The following NDUFA10 variants were observed in gnomAD, a reference collection of about 807,000 sequenced individuals.
NDUFA10 encodes the protein NADH:ubiquinone oxidoreductase subunit A10.
Under a neutral mutation model 47.8 loss-of-function variants are expected in NDUFA10, and 40 were observed. The ratio of observed to expected loss-of-function variants is 0.84; its 90% CI spans 0.65 to 1.09. The LOEUF (loss-of-function observed/expected upper bound fraction) is 1.09. Ranked by LOEUF, NDUFA10 falls within the 50% of genes least tolerant of loss-of-function variation. The pLI, the probability that NDUFA10 is intolerant of heterozygous loss-of-function variation, is 0.00. For synonymous variants in NDUFA10, 183 were observed against 172.2 expected (o/e 1.06, Z -0.49); for missense variants, 413 against 451.1 (o/e 0.92, Z 0.76).
At chr2:239,895,042 AC>A (rs1406215243) in intron 5 of NDUFA10, among the ~76,000 whole-genome samples, 2 of 151,462 alleles carry the variant, frequency 1.3e-5, no homozygotes, top group Non-Finnish European at 2.9e-5. Flanking sequence ...TCTCTCCTTC[AC>A]CCCCACATCT....
chr2:240,009,577 T>C (rs1697064867), intron 6 of NDUFA10, among the ~76,000 whole-genome samples: 1 of 152,240 alleles, frequency 6.6e-6, no homozygotes, highest in Admixed American at 6.5e-5. Context: ...GCAATGCTCT[T>C]TATGCATTCA....
rs77899586 is a variant in NDUFA10, at chr2:239,919,659, A to C, written c.295-24345T>G. Among the ~76,000 whole-genome samples the C allele has an allele frequency of 9.2e-3, 1,398 of 152,284 alleles. 27 individuals are homozygous for C. Among genetic ancestry groups the C allele is most frequent in the African/African-American group, 0.032 (1,320 of 41,552 alleles). On this transcript the variant is annotated intron_variant, in intron 4 of 5. Coordinates refer to the NDUFA10 transcript ENST00000419408. ...TACAGTAATCCAAGTAATTCCTGTG[A>C]AACTGAGGCCCCATCCTAAGAGGAT...
intron 9 of NDUFA10, among the ~76,000 whole-genome samples, chr2:239,961,943 C>T (rs567445916): frequency 6.6e-6 from 1 of 152,266 alleles, no homozygotes; most frequent in African/African-American, 2.4e-5. Flanking sequence ...GCTCAGGTGG[C>T]GGTCCACAGA....
At chr2:239,977,263 C>T (rs1016710266) in intron 9 of NDUFA10, among the ~76,000 whole-genome samples, 1 of 152,208 alleles carries the variant, frequency 6.6e-6, no homozygotes, top group Non-Finnish European at 1.5e-5. Flanking sequence ...TTGGCAGGTG[C>T]AGGTGGGCGA....
At chr2:239,937,847 C>T (rs1426180637) in intron 4 of NDUFA10, among the ~76,000 whole-genome samples, 1 of 152,214 alleles carries the variant, frequency 6.6e-6, no homozygotes, top group Non-Finnish European at 1.5e-5. Flanking sequence ...CTTTTTATTA[C>T]AGCCATTCTG....
chr2:239,914,470 C>T (rs1183350143), intron 4 of NDUFA10, among the ~76,000 whole-genome samples: 1 of 142,404 alleles, frequency 7.0e-6, no homozygotes, highest in East Asian at 2.1e-4. Context: ...CACACACAGA[C>T]ACACACAAAT....
At chr2:239,918,855 G>A (rs1489836770) in intron 4 of NDUFA10, among the ~76,000 whole-genome samples, 2 of 152,210 alleles carry the variant, frequency 1.3e-5, no homozygotes, top group Admixed American at 6.5e-5. Flanking sequence ...GGGGTGGCCC[G>A]TGTGGCAGGG....
chr2:240,022,004 T>G (rs994459838), intron 2 of NDUFA10, among the ~76,000 whole-genome samples, 168 bp downstream of exon 2: 7 of 152,222 alleles, frequency 4.6e-5, no homozygotes, highest in Non-Finnish European at 4.4e-5. Flanking sequence ...TTTTCTTGTT[T>G]CGTTTTATAA....
chr2:239,959,457 T>C lies in NDUFA10; in HGVS notation c.*1661A>G. On this transcript the variant is annotated 3_prime_UTR_variant, in exon 10 of 10. Transcript: ENST00000252711. ...TCCCCTCCACAATGGGTTTGTGAAG[T>C]GCTCAGAGCAAAAGACACTCTGTGA... The C allele has an allele frequency of 3.0e-6, 3 of 985,490 alleles. No homozygotes were observed. Among genetic ancestry groups the C allele is most frequent in the South Asian group, 4.7e-5 (1 of 21,290 alleles). 61.0% of individuals were successfully genotyped at this position (985,490 alleles called of 1,614,324 possible).
intron 8 of NDUFA10, among the ~76,000 whole-genome samples, chr2:239,996,172 T>C (rs1167422254): frequency 6.6e-6 from 1 of 152,180 alleles, no homozygotes; most frequent in East Asian, 1.9e-4. Flanking sequence ...AGGATACCGA[T>C]GACTTGAATA....
At position 240,021,192 on chromosome 2, in the gene NDUFA10, T is replaced by C. The variant is rs1158773739; in HGVS notation, c.460+5A>G. 6.2e-6 allele frequency: 10 copies of C among 1,611,576 alleles called. No individual in the cohort carries two copies. The highest frequency in any genetic ancestry group is 3.3e-5 in the Admixed American group (2 of 59,990). On this transcript the variant is annotated splice_donor_5th_base_variant and intron_variant, in intron 3 of 9. Coordinates refer to ENST00000252711, the MANE Select transcript of NDUFA10 (RefSeq NM_004544.4). The stretch of plus-strand genomic sequence containing the variant: ...AACAGATCTAACTGCCCAGAAATAC[T>C]GCACCTGTGGTCAGCAAGTGCTCCA...
At chr2:239,931,703 C>T (rs1421302262) in intron 4 of NDUFA10, among the ~76,000 whole-genome samples, 3 of 152,232 alleles carry the variant, frequency 2.0e-5, no homozygotes, top group East Asian at 1.9e-4. Context: ...CAGGCCATAG[C>T]GGCCCCCAAG....
At chr2:239,993,708 T>A (rs1696348470) in intron 8 of NDUFA10, among the ~76,000 whole-genome samples, 1 of 152,078 alleles carries the variant, frequency 6.6e-6, no homozygotes, top group Admixed American at 6.5e-5. Flanking sequence ...ACCAGGGGAT[T>A]ACACACCAAG....
rs1693568602 is a variant in NDUFA10 at position 239,902,350 on chromosome 2, GTCCAGC to G, written c.295-7042_295-7037del. ...CAACTCCAGACAAAACCCTCCAGCA[GTCCAGC>G]AGTGAAATGATTACAACTTGCGGAA... On this transcript the variant is annotated intron_variant, in intron 4 of 5. Coordinates refer to the NDUFA10 transcript ENST00000419408. 1.6e-3 allele frequency among the ~76,000 whole-genome samples: 6 copies of G among 3,864 alleles called. No homozygotes were observed. The South Asian group carries it at 0.039, about 25-fold the overall frequency. 2.5% of individuals were successfully genotyped at this position (3,864 alleles called of 152,430 possible).
rs571536208 is a variant in NDUFA10 at position 239,906,493 on chromosome 2, C to T, written c.295-11179G>A. Among the ~76,000 whole-genome samples the T allele has an allele frequency of 1.3e-5, 2 of 152,146 alleles. No individual in the cohort carries two copies. Among genetic ancestry groups the T allele is most frequent in the Non-Finnish European group, 2.9e-5 (2 of 68,038 alleles). ...CCCCCACGCCAATTCATGGAGTCCC[C>T]GCACTTATAGTGCCTCCCATTGCTA... is the stretch of plus-strand genomic sequence containing the variant. On this transcript the variant is annotated intron_variant, in intron 4 of 5. Transcript: ENST00000419408. The surrounding 1 kb of genome is among the most constrained non-coding windows in gnomAD (Gnocchi z 4.3).
chr2:240,000,006 G>A (rs1015367898), intron 8 of NDUFA10, among the ~76,000 whole-genome samples: 3 of 152,218 alleles, frequency 2.0e-5, no homozygotes, highest in Non-Finnish European at 4.4e-5. Flanking sequence ...CATGACTCCC[G>A]TGTCTGCGGT....
In NDUFA10 at chr2:239,973,508, C is replaced by T. The variant is rs189860717; in HGVS notation, c.1000-12322G>A. 4.9e-5 allele frequency: 23 copies of T among 470,684 alleles called. No individual in the cohort carries two copies. The East Asian group carries it at 1.5e-3, about 30-fold the overall frequency. The allele number at this position is 470,684 out of a possible 1,614,324, so 29.2% of individuals were successfully genotyped here. ...TAGTAAAAGAAACAAAAATAGCAGGCGAGAAAACAGAAGATTCTGTTGTCC... is the reference window on the plus strand; with the variant it reads ...TAGTAAAAGAAACAAAAATAGCAGGTGAGAAAACAGAAGATTCTGTTGTCC... On this transcript the variant is annotated intron_variant, in intron 9 of 9. Coordinates refer to ENST00000252711, the MANE Select transcript of NDUFA10 (RefSeq NM_004544.4).
intron 4 of NDUFA10, among the ~76,000 whole-genome samples, chr2:239,925,460 G>A (rs1398820601): frequency 1.3e-5 from 2 of 152,182 alleles, no homozygotes; most frequent in Non-Finnish European, 2.9e-5. Flanking sequence ...GTGCTGAAGT[G>A]AGTGAACATC....
intron 4 of NDUFA10, among the ~76,000 whole-genome samples, chr2:239,934,745 G>A (rs759299728): frequency 3.9e-5 from 6 of 152,174 alleles, no homozygotes; most frequent in Non-Finnish European, 7.3e-5. Context: ...TCAGCGCAGC[G>A]TTCTCACTGT....
Sources: allele counts gnomAD v4.1 joint callset (sites outside exome capture counted in the v4.1 genomes callset), GRCh38; gene constraint gnomAD v4.1.1; non-coding constraint Gnocchi (gnomAD v3.1); transcripts MANE v1.5; gene names NCBI Gene and HGNC (gene_info 2026-07-23, HGNC 2026-07-21).